The following EXOC2 variants were observed in gnomAD, a reference collection of about 807,000 sequenced individuals.
The protein encoded by EXOC2 is SEC5-like 1.
Under a neutral mutation model 131.8 loss-of-function variants are expected in EXOC2, and 70 were observed. That is an observed-to-expected ratio of 0.53 (90% CI 0.44 to 0.65). The LOEUF (loss-of-function observed/expected upper bound fraction) is 0.65, where lower values mean the gene tolerates loss of function less well. Among genes scored for constraint, EXOC2 ranks in the 30% least tolerant of loss-of-function variants. The pLI, the probability that EXOC2 is intolerant of heterozygous loss-of-function variation, is 0.00. For synonymous variants in EXOC2, 411 were observed against 398.4 expected, an observed-to-expected ratio of 1.03 and a Z score of -0.38; for missense variants, 923 against 1,108.6, an observed-to-expected ratio of 0.83 and a Z score of 2.38.
chr6:544,283 T>A (rs1173241269), intron 22 of EXOC2, among the ~76,000 whole-genome samples: 1 of 152,216 alleles, frequency 6.6e-6, no homozygotes, highest in Non-Finnish European at 1.5e-5. Context: ...ACTTTCTGTA[T>A]TGGGGAGGTA....
In EXOC2 at chr6:511,223, C is replaced by T. The variant is rs73719460; in HGVS notation, c.2381-11523G>A. ...GCCGTGCCTGCTGCTGAGCGGGTCC[C>T]GCACCCCTTTGACTGCAGTCATTAC... On this transcript the variant is annotated intron_variant, in intron 23 of 27. Coordinates refer to ENST00000230449, the MANE Select transcript of EXOC2 (RefSeq NM_018303.6). Among the ~76,000 whole-genome samples the T allele has an allele frequency of 5.3e-3, 802 of 152,282 alleles. 7 individuals are homozygous for T. Among genetic ancestry groups the T allele is most frequent in the African/African-American group, 0.011 (442 of 41,558 alleles).
At chr6:588,560 G>A (rs773552635) in intron 11 of EXOC2, among the ~76,000 whole-genome samples, 14 of 152,244 alleles carry the variant, frequency 9.2e-5, no homozygotes, top group South Asian at 6.2e-4. Context: ...TCACTATGTT[G>A]GCCAGGCTGG....
intron 1 of EXOC2, among the ~76,000 whole-genome samples, chr6:654,835 A>AAAAAAAAAAAAT (rs1561976766): frequency 7.0e-6 from 1 of 143,362 alleles, no homozygotes; most frequent in Non-Finnish European, 1.5e-5. Flanking sequence ...AAAAAAAAAA[A>AAAAAAAAAAAAT]AAGTAGAGCC....
intron 11 of EXOC2, among the ~76,000 whole-genome samples, chr6:582,909 T>TCGGA (rs1758993304): frequency 6.6e-6 from 1 of 152,144 alleles, no homozygotes; most frequent in Admixed American, 6.5e-5. Flanking sequence ...AGGCAGCATT[T>TCGGA]CGGACGTGCA....
chr6:581,480 A>G (rs372662340), intron 11 of EXOC2, among the ~76,000 whole-genome samples: 13 of 152,336 alleles, frequency 8.5e-5, no homozygotes, highest in East Asian at 7.7e-4. Context: ...ATAACTACAG[A>G]TTACTCTGAA....
intron 13 of EXOC2, among the ~76,000 whole-genome samples, chr6:566,189 T>C (rs1254585194): frequency 6.6e-6 from 1 of 152,236 alleles, no homozygotes; most frequent in African/African-American, 2.4e-5. Flanking sequence ...TCAATGACAC[T>C]TAAAATTCTT....
At chr6:664,793 G>A (rs1362147670) in intron 1 of EXOC2, among the ~76,000 whole-genome samples, 1 of 152,112 alleles carries the variant, frequency 6.6e-6, no homozygotes, top group African/African-American at 2.4e-5. Flanking sequence ...TCAACTCAAG[G>A]TGGATTAAGG....
intron 2 of EXOC2, among the ~76,000 whole-genome samples, chr6:635,585 A>G (rs1762061064): frequency 6.6e-6 from 1 of 150,840 alleles, no homozygotes. Context: ...CACCTTTTAG[A>G]AAAAAAAAAG....
rs761706521 is a variant in EXOC2 at position 572,500 on chromosome 6, A to G, written c.1443+20T>C. 1.2e-6 allele frequency: 2 copies of G among 1,600,370 alleles called. No individual in the cohort carries two copies. Among genetic ancestry groups the G allele is most frequent in the Non-Finnish European group, 1.7e-6 (2 of 1,175,906 alleles). On this transcript the variant is annotated intron_variant, in intron 13 of 27. Coordinates refer to ENST00000230449, the MANE Select transcript of EXOC2 (RefSeq NM_018303.6). ...TGCACGGTGACTCAGCTCCACCTCT[A>G]GCCGAGTCCGTATACACACCTCACT...
intron 23 of EXOC2, among the ~76,000 whole-genome samples, chr6:514,909 G>A (rs372560476): frequency 2.6e-5 from 4 of 152,240 alleles, no homozygotes; most frequent in African/African-American, 9.6e-5. Flanking sequence ...AGTTCTCCAT[G>A]AAGTTCCAGA....
Position 564,058 on chromosome 6 carries a change from C to T in EXOC2, c.1764G>A (p.Met588Ile). The T allele has an allele frequency of 6.2e-7, 1 of 1,614,050 alleles. No individual in the cohort carries two copies. Among genetic ancestry groups the T allele is most frequent in the Non-Finnish European group, 8.5e-7 (1 of 1,180,014 alleles). The change falls in exon 16 of 28, where the codon ATG (methionine) becomes ATA (isoleucine). Residue 588 changes from methionine (M) to isoleucine (I), a missense_variant. Physicochemically the swap from Met to Ile is conservative, Grantham distance 10 (BLOSUM62 1). Coordinates refer to ENST00000230449, the MANE Select transcript of EXOC2 (RefSeq NM_018303.6). ...LILDLRVRCVMATLQHTAEEI... is the reference protein window; with the variant it reads ...LILDLRVRCVIATLQHTAEEI... ...CTTCCGCCGTGTGCTGCAACGTGGC[C>T]ATTACGCAACGTACTCGGAGATCCA...
chr6:648,442 G>A (rs1313899784), intron 1 of EXOC2, among the ~76,000 whole-genome samples: 1 of 152,154 alleles, frequency 6.6e-6, no homozygotes, highest in Admixed American at 6.5e-5. Flanking sequence ...GAACGCTCTA[G>A]TCTACAGTTG....
intron 3 of EXOC2, among the ~76,000 whole-genome samples, chr6:631,828 A>C (rs1023074646): frequency 6.6e-6 from 1 of 152,216 alleles, no homozygotes; most frequent in Non-Finnish European, 1.5e-5. Flanking sequence ...ACATGCACGT[A>C]CATGTACATA....
Position 545,008 on chromosome 6 carries a change from G to A in EXOC2, c.2238+4167C>T, listed in dbSNP as rs999777722. ...TAAAAATACAAAAAATTAGCCGGGCGCAGTGGCGGGTGCCTGTAGTCCCAG... is the reference window on the plus strand; with the variant it reads ...TAAAAATACAAAAAATTAGCCGGGCACAGTGGCGGGTGCCTGTAGTCCCAG... On this transcript the variant is annotated intron_variant, in intron 22 of 27. Coordinates refer to ENST00000230449, the MANE Select transcript of EXOC2 (RefSeq NM_018303.6). Among the ~76,000 whole-genome samples, 18 of 151,260 alleles carry A rather than the reference G, an allele frequency of 1.2e-4. No homozygotes were observed. The East Asian group carries it at 1.9e-3, about 16-fold the overall frequency.
At chr6:502,935 G>A (rs528395083) in intron 23 of EXOC2, among the ~76,000 whole-genome samples, 147 of 152,312 alleles carry the variant, frequency 9.7e-4, no homozygotes, top group African/African-American at 3.3e-3. Context: ...AAGTGGTACC[G>A]CTAGTCAAAC....
intron 13 of EXOC2, among the ~76,000 whole-genome samples, chr6:569,777 T>C (rs113501500): frequency 7.9e-5 from 12 of 152,346 alleles, no homozygotes; most frequent in East Asian, 5.8e-4. Context: ...CATAGACAGG[T>C]AGACACGTCA....
chr6:532,629 G>C lies in EXOC2; in HGVS notation c.2239-19C>G, dbSNP rs773068564. On this transcript the variant is annotated intron_variant, in intron 22 of 27. Transcript: ENST00000230449. ...TGCTAACCTATAAACACATAATGAA[G>C]AGTATGAGTTGCCTATTTGAGGGTG... 1 of 1,478,104 alleles carries C rather than the reference G, an allele frequency of 6.8e-7. No individual in the cohort carries two copies. The allele number at this position is 1,478,104 out of a possible 1,614,324, so 91.6% of individuals were successfully genotyped here. A position where few individuals can be genotyped will look rare whatever the true frequency, so the allele number is the denominator to read the frequency against.
intron 23 of EXOC2, chr6:524,804 C>T (rs1765654619): frequency 1.3e-5 from 2 of 152,176 alleles, no homozygotes; most frequent in South Asian, 2.1e-4. Flanking sequence ...AAGTCAAAAC[C>T]CAAAAAGTTT....
intron 23 of EXOC2, among the ~76,000 whole-genome samples, chr6:500,960 C>T (rs1047270854): frequency 1.1e-4 from 16 of 149,046 alleles, no homozygotes; most frequent in African/African-American, 4.0e-4. Flanking sequence ...AATAAGGACA[C>T]GGTTTTTCTT....
Sources: gnomAD v4.1 joint callset for allele counts (sites outside exome capture counted in the v4.1 genomes callset) on GRCh38, gnomAD v4.1.1 for gene constraint, MANE v1.5 for transcripts, NCBI Gene and HGNC (gene_info 2026-07-23, HGNC 2026-07-21) for gene names.